The following SMYD3 variants were observed in gnomAD, a reference collection of about 807,000 sequenced individuals.
The protein encoded by SMYD3 is histone-lysine N-methyltransferase SMYD3.
SMYD3 carries 36 observed loss-of-function variants against 57.7 expected under a neutral mutation model. That is an observed-to-expected ratio of 0.62 (90% CI 0.48 to 0.82). The LOEUF is 0.82. SMYD3 is among the 40% of genes least tolerant of loss of function. The pLI is 0.00. For synonymous variants in SMYD3, 211 were observed against 195.0 expected (o/e 1.08, Z -0.68); for missense variants, 515 against 538.8 (o/e 0.96, Z 0.44).
chr1:246,113,228 T>TAAAA (rs1357898217), intron 5 of SMYD3, among the ~76,000 whole-genome samples: 1 of 141,570 alleles, frequency 7.1e-6, no homozygotes, highest in Non-Finnish European at 1.5e-5. Flanking sequence ...AATAAATAAA[T>TAAAA]AAAATTTAAT....
In SMYD3 at chr1:246,243,015, C is replaced by T. The variant is rs12077630; in HGVS notation, c.531+84186G>A. ...ACACAATAATAATGGGAGACATTAA[C>T]GCCCCACTGTCAACATTAGACAGAT... On this transcript the variant is annotated intron_variant, in intron 5 of 11. Transcript: ENST00000490107. Among the ~76,000 whole-genome samples the T allele has an allele frequency of 8.8e-3, 1,334 of 152,214 alleles. 19 individuals carry two copies. Among genetic ancestry groups the T allele is most frequent in the African/African-American group, 0.03 (1,242 of 41,520 alleles).
intron 5 of SMYD3, among the ~76,000 whole-genome samples, chr1:246,037,247 A>AT (rs757306182): frequency 3.9e-5 from 6 of 152,218 alleles, no homozygotes; most frequent in Non-Finnish European, 8.8e-5. Context: ...CTGTATCTAT[A>AT]TAGTACCTGT....
chr1:246,257,647 T>C (rs558694809), intron 5 of SMYD3, among the ~76,000 whole-genome samples: 7 of 152,366 alleles, frequency 4.6e-5, no homozygotes, highest in South Asian at 2.1e-4. Context: ...ATTTGAGGTT[T>C]TGACCCTATC....
At chr1:245,758,588 T>G (rs374224604) in intron 11 of SMYD3, among the ~76,000 whole-genome samples, 2 of 152,218 alleles carry the variant, frequency 1.3e-5, no homozygotes, top group East Asian at 1.9e-4. Flanking sequence ...CTCTGTTTCC[T>G]CCATTCTGTT....
chr1:245,847,372 G>C (rs573637229), intron 10 of SMYD3, among the ~76,000 whole-genome samples: 1 of 152,064 alleles, frequency 6.6e-6, no homozygotes, highest in African/African-American at 2.4e-5. Context: ...TCTATCCTTC[G>C]GGAGTTTCTG....
intron 5 of SMYD3, among the ~76,000 whole-genome samples, chr1:245,936,478 T>C (rs1216438805): frequency 1.3e-5 from 2 of 152,072 alleles, no homozygotes; most frequent in Non-Finnish European, 2.9e-5. Context: ...AAAAAGAACA[T>C]AGAAGTCATG....
chr1:246,437,276 T>G (rs2067394940), intron 1 of SMYD3, among the ~76,000 whole-genome samples: 1 of 152,196 alleles, frequency 6.6e-6, no homozygotes, highest in African/African-American at 2.4e-5. Context: ...GGTAGAGTTT[T>G]TGGAGAAAAA....
At chr1:246,395,658 G>GAGGA in intron 1 of SMYD3, among the ~76,000 whole-genome samples, 1 of 84,164 alleles carries the variant, frequency 1.2e-5, no homozygotes, top group Non-Finnish European at 2.8e-5. Context: ...AGACAGGGAA[G>GAGGA]ACGAACCCAC....
At chr1:245,851,471 C>A (rs542223542) in intron 10 of SMYD3, among the ~76,000 whole-genome samples, 6 of 152,212 alleles carry the variant, frequency 3.9e-5, no homozygotes, top group Middle Eastern at 3.4e-3. Flanking sequence ...TTCTTTAGTC[C>A]AAATGATATC....
rs1354006363 is a variant in SMYD3 at position 246,404,254 on chromosome 1, G to A, written c.165-49160C>T. 5.3e-5 allele frequency among the ~76,000 whole-genome samples: 8 copies of A among 152,186 alleles called. No individual in the cohort carries two copies. The East Asian group carries it at 1.5e-3, about 29-fold the overall frequency. ...AGCAGTTTTGTTTTTGTGTGTTGAGGCCTTGGCTCAAGATCCCATCTGTGC... is the reference window on the plus strand; with the variant it reads ...AGCAGTTTTGTTTTTGTGTGTTGAGACCTTGGCTCAAGATCCCATCTGTGC... On this transcript the variant is annotated intron_variant, in intron 1 of 11. Coordinates refer to ENST00000490107, the MANE Select transcript of SMYD3 (RefSeq NM_001167740.2).
intron 1 of SMYD3, among the ~76,000 whole-genome samples, chr1:246,410,046 C>A (rs2066937807): frequency 6.6e-6 from 1 of 152,132 alleles, no homozygotes; most frequent in Admixed American, 6.6e-5. Flanking sequence ...GCTGAAGTTG[C>A]TTATCAGCTT....
At chr1:246,088,601 C>A (rs1398703095) in intron 5 of SMYD3, among the ~76,000 whole-genome samples, 2 of 58,394 alleles carry the variant, frequency 3.4e-5, no homozygotes, top group South Asian at 3.8e-4. Flanking sequence ...CAGGGCGAGA[C>A]TCCGTCTCAA....
intron 5 of SMYD3, among the ~76,000 whole-genome samples, chr1:246,012,806 G>A (rs905038896): frequency 6.6e-6 from 1 of 152,098 alleles, no homozygotes; most frequent in Admixed American, 6.5e-5. Flanking sequence ...ACCCATTCCT[G>A]CCACACATAC....
chr1:246,415,890 T>G (rs1347779274), intron 1 of SMYD3, among the ~76,000 whole-genome samples: 1 of 152,218 alleles, frequency 6.6e-6, no homozygotes, highest in Non-Finnish European at 1.5e-5. Context: ...TTGCACTGTT[T>G]AATTCTGTTA....
intron 5 of SMYD3, among the ~76,000 whole-genome samples, chr1:246,112,411 T>C (rs2061259866): frequency 6.6e-6 from 1 of 152,254 alleles, no homozygotes; most frequent in East Asian, 1.9e-4. Context: ...GTTAAAATTT[T>C]GGTATAATTA....
chr1:246,097,297 T>C (rs936064236), intron 5 of SMYD3, among the ~76,000 whole-genome samples: 13 of 152,106 alleles, frequency 8.5e-5, no homozygotes, highest in African/African-American at 3.1e-4. Context: ...CAAACTATGC[T>C]GATTCCCTGT....
chr1:245,857,334 C>T (rs1387807463), intron 10 of SMYD3, among the ~76,000 whole-genome samples: 1 of 152,324 alleles, frequency 6.6e-6, no homozygotes, highest in Non-Finnish European at 1.5e-5. Context: ...CCTGACCAAA[C>T]ACCTCATTTC....
chr1:246,070,026 T>C (rs2060415730), intron 5 of SMYD3, among the ~76,000 whole-genome samples: 1 of 152,134 alleles, frequency 6.6e-6, no homozygotes. Flanking sequence ...CCTAAATCTG[T>C]GTTCAGAGAG....
chr1:246,074,327 A>C (rs1405119948), intron 5 of SMYD3, among the ~76,000 whole-genome samples: 1 of 151,926 alleles, frequency 6.6e-6, no homozygotes, highest in African/African-American at 2.4e-5. Flanking sequence ...AAATAAAAAA[A>C]AATTATCTTC....
Sources: gnomAD v4.1 joint callset for allele counts (sites outside exome capture counted in the v4.1 genomes callset) on GRCh38, gnomAD v4.1.1 for gene constraint, MANE v1.5 for transcripts, NCBI Gene and HGNC (gene_info 2026-07-23, HGNC 2026-07-21) for gene names.